Variants in SGIP1 observed in about 807,000 individuals in gnomAD.
The protein encoded by SGIP1 is SH3GL interacting endocytic adaptor 1.
In SGIP1, 38 loss-of-function variants were observed where a neutral mutation model predicts 107.5. That is an observed-to-expected ratio of 0.35 (90% confidence interval 0.27 to 0.46). The LOEUF (loss-of-function observed/expected upper bound fraction) is 0.46, where lower values mean the gene tolerates loss of function less well. SGIP1 is among the 20% of genes least tolerant of loss of function. The pLI is 1.00. For synonymous variants in SGIP1, 365 were observed against 366.1 expected, an observed-to-expected ratio of 1.00 and a Z score of 0.03; for missense variants, 929 against 1,019.5, an observed-to-expected ratio of 0.91 and a Z score of 1.21.
At chr1:66,615,079 C>A (rs933309120) in intron 1 of SGIP1, among the ~76,000 whole-genome samples, 2 of 152,040 alleles carry the variant, frequency 1.3e-5, no homozygotes, top group African/African-American at 2.4e-5. Flanking sequence ...CCTCGGTCTC[C>A]TAAAACACTG....
At chr1:66,634,679 A>G (rs1252017592) in intron 3 of SGIP1, among the ~76,000 whole-genome samples, 1 of 152,236 alleles carries the variant, frequency 6.6e-6, no homozygotes, top group Non-Finnish European at 1.5e-5. Context: ...ATTAGGAAAG[A>G]TAAATTAGTT....
chr1:66,559,295 A>G (rs917032854), intron 1 of SGIP1, among the ~76,000 whole-genome samples: 3 of 152,022 alleles, frequency 2.0e-5, no homozygotes, highest in African/African-American at 7.2e-5. Context: ...CAGGCTTGCC[A>G]TTTTTCAAAT....
rs367744183 is a variant in SGIP1 at position 66,552,693 on chromosome 1, T to A, written c.10+18325T>A. On this transcript the variant is annotated intron_variant, in intron 1 of 24. Coordinates refer to ENST00000371037, the MANE Select transcript of SGIP1 (RefSeq NM_032291.4). Reference sequence around the variant, plus strand: ...AGCTTTGAAATCAATACCTGTCTCATGAAGTTATTTTGAGGAATAAATAAG... The same window carrying A: ...AGCTTTGAAATCAATACCTGTCTCAAGAAGTTATTTTGAGGAATAAATAAG... Among the ~76,000 whole-genome samples the A allele has an allele frequency of 2.4e-4, 36 of 152,282 alleles. No homozygotes were observed. The South Asian group carries it at 6.6e-3, about 28-fold the overall frequency.
At chr1:66,663,571 A>T (rs2147777) in intron 8 of SGIP1, among the ~76,000 whole-genome samples, 98,419 of 151,968 alleles carry the variant, frequency 0.65, 32,802 homozygotes, top group East Asian at 1. Context: ...TTATTTTCCT[A>T]TTGAAGCTTT....
At chr1:66,600,366 C>T (rs892297139) in intron 1 of SGIP1, among the ~76,000 whole-genome samples, 3 of 152,088 alleles carry the variant, frequency 2.0e-5, no homozygotes, top group African/African-American at 7.2e-5. Flanking sequence ...ACAGAGACCC[C>T]CCTCCTAGAA....
intron 18 of SGIP1, among the ~76,000 whole-genome samples, chr1:66,706,444 A>G (rs2092520929): frequency 1.7e-5 from 2 of 115,906 alleles, no homozygotes; most frequent in African/African-American, 6.0e-5. Context: ...ATAGAGATAC[A>G]CATTTATATA....
chr1:66,730,976 G>A (rs919449047), intron 20 of SGIP1, among the ~76,000 whole-genome samples: 2 of 152,112 alleles, frequency 1.3e-5, no homozygotes, highest in Admixed American at 1.3e-4. Context: ...CCCCAAACTA[G>A]TAGCTTGGTG....
chr1:66,628,004 T>A (rs1468402819), intron 2 of SGIP1, among the ~76,000 whole-genome samples: 1 of 151,926 alleles, frequency 6.6e-6, no homozygotes, highest in East Asian at 1.9e-4. Flanking sequence ...GGTGTTTGAT[T>A]TTTTGTCCTC....
chr1:66,588,231 A>G (rs1390909128), intron 1 of SGIP1, among the ~76,000 whole-genome samples: 2 of 152,138 alleles, frequency 1.3e-5, no homozygotes, highest in Non-Finnish European at 2.9e-5. Context: ...AGAAAATGGA[A>G]TAGCTCCATA....
Position 66,745,666 on chromosome 1 carries a change from G to A in SGIP1, c.*2571G>A, listed in dbSNP as rs1180604973. On this transcript the variant is annotated 3_prime_UTR_variant, in exon 25 of 25. Transcript: ENST00000371037. ...GGTAATAAAACTATTTTCAGTACTA[G>A]GGGTTAAAACAAAAAGAAATTGTTC... 6.6e-6 allele frequency: 1 copy of A among 151,824 alleles called. No homozygotes were observed. 9.4% of individuals were successfully genotyped at this position (151,824 alleles called of 1,614,324 possible). A position where few individuals can be genotyped will look rare whatever the true frequency, so the allele number is the denominator to read the frequency against.
In SGIP1 at chr1:66,739,509, C is replaced by T; in HGVS notation, c.2206C>T (p.Leu736Phe). Residue 736 changes from leucine to phenylalanine, a missense_variant, in exon 22 of 25, where the codon CTC becomes TTC. Coordinates refer to ENST00000371037, the MANE Select transcript of SGIP1 (RefSeq NM_032291.4). ...CCCCATCGACGGAGGAGTCACCAAG[C>T]TCCAGGCAGTGCTCCCACCAGCAGT... ...LVPIDGGVTK[L>F]QAVLPPAVWN... The T allele has an allele frequency of 6.2e-7, 1 of 1,614,038 alleles. No individual in the cohort carries two copies. Among genetic ancestry groups the T allele is most frequent in the African/African-American group, 1.3e-5 (1 of 75,036 alleles).
Position 66,536,496 on chromosome 1 carries a change from T to C in SGIP1, c.10+2128T>C, listed in dbSNP as rs1254550247. On this transcript the variant is annotated intron_variant, in intron 1 of 24. Coordinates refer to ENST00000371037, the MANE Select transcript of SGIP1 (RefSeq NM_032291.4). The stretch of plus-strand genomic sequence containing the variant: ...ACTTAGTTGACAGTCTTTTTGGCAA[T>C]ATACATTCATGTTTCTGGTATTGCA... 4.6e-5 allele frequency among the ~76,000 whole-genome samples: 7 copies of C among 152,332 alleles called. No individual in the cohort carries two copies. In the East Asian group the frequency reaches 1.3e-3, roughly 29 times the overall value.
At position 66,639,382 on chromosome 1, in the gene SGIP1, A is replaced by G. The variant is rs116059978; in HGVS notation, c.172-395A>G. On this transcript the variant is annotated intron_variant, in intron 4 of 24. Transcript: ENST00000371037. ...TTGAATATGTTGTAACTAATTGTAT[A>G]TAATAGCAGCATGGAGGTAAAAGTG... is the stretch of plus-strand genomic sequence containing the variant. 7.1e-3 allele frequency among the ~76,000 whole-genome samples: 1,076 copies of G among 152,342 alleles called. 18 individuals are homozygous for G. The highest frequency in any genetic ancestry group is 0.024 in the African/African-American group (1,006 of 41,580).
At chr1:66,631,096 A>G (rs1055606423) in intron 2 of SGIP1, among the ~76,000 whole-genome samples, 6 of 137,370 alleles carry the variant, frequency 4.4e-5, no homozygotes, top group Non-Finnish European at 8.0e-5. Flanking sequence ...AGAAAGAAAG[A>G]AAGAAAAAAA....
rs537967763 is a variant in SGIP1 at position 66,692,177 on chromosome 1, G to A, written c.1570+1861G>A. Among the ~76,000 whole-genome samples the A allele has an allele frequency of 2.4e-4, 33 of 140,298 alleles. No individual in the cohort carries two copies. The East Asian group carries it at 6.6e-3, about 28-fold the overall frequency. 92.0% of individuals were successfully genotyped at this position (140,298 alleles called of 152,430 possible). On this transcript the variant is annotated intron_variant, in intron 17 of 24. Transcript: ENST00000371037. ...CTCCATCTCAAAAAAAAAAAAAAGA[G>A]AGAGAGAGAATTTGAACTTTGTGTA...
intron 8 of SGIP1, chr1:66,666,959 C>G (rs1571521028): frequency 6.6e-6 from 1 of 152,422 alleles, no homozygotes; most frequent in East Asian, 1.9e-4. Context: ...GTAGAGGCTG[C>G]CCAGATCACT....
intron 19 of SGIP1, among the ~76,000 whole-genome samples, chr1:66,722,576 G>A (rs2093590481): frequency 6.6e-6 from 1 of 152,180 alleles, no homozygotes; most frequent in African/African-American, 2.4e-5. Flanking sequence ...CTGCCATTGT[G>A]CTAGACAGGA....
At position 66,681,935 on chromosome 1, in the gene SGIP1, T is replaced by C. The variant is rs771414530; in HGVS notation, c.881T>C (p.Ile294Thr). The C allele has an allele frequency of 6.2e-7, 1 of 1,614,164 alleles. No individual in the cohort carries two copies. The highest frequency in any genetic ancestry group is 1.1e-5 in the South Asian group (1 of 91,056). The change falls in exon 15 of 25, where the codon ATT becomes ACT. Residue 294 changes from isoleucine to threonine, a missense_variant. Ile to Thr is a moderately conservative substitution (Grantham distance 89, BLOSUM62 -1). This residue lies in a region of SGIP1 where 588 missense variants were observed against 588.6 expected (regional missense o/e 1.00). Coordinates refer to ENST00000371037, the MANE Select transcript of SGIP1 (RefSeq NM_032291.4). ...CCATCCATCAATGACTTGGACAGCATTTTTGGGCCAGTATTGTCCCCCAAG... is the reference window on the plus strand; with the variant it reads ...CCATCCATCAATGACTTGGACAGCACTTTTGGGCCAGTATTGTCCCCCAAG... ...KLPSINDLDS[I>T]FGPVLSPKSV... is the part of the protein sequence containing the mutation.
intron 1 of SGIP1, among the ~76,000 whole-genome samples, chr1:66,563,554 T>C (rs781611842): frequency 9.2e-5 from 14 of 152,020 alleles, no homozygotes; most frequent in Non-Finnish European, 2.1e-4. Flanking sequence ...GACTGTGCTT[T>C]GATGATGTTT....
Sources: gnomAD v4.1 joint callset for allele counts (sites outside exome capture counted in the v4.1 genomes callset) on GRCh38, gnomAD v4.1.1 for gene constraint, gnomAD v4.1.1 regional missense constraint, MANE v1.5 for transcripts, NCBI Gene and HGNC (gene_info 2026-07-23, HGNC 2026-07-21) for gene names.